Variants in FSTL4 observed in about 807,000 individuals in gnomAD.
FSTL4 encodes the protein follistatin like 4, also known as follistatin-related protein 4.
Under a neutral mutation model 78.2 loss-of-function variants are expected in FSTL4, and 28 were observed. That is an observed-to-expected ratio of 0.36 (90% CI 0.27 to 0.49). The LOEUF is 0.49. Ranked by LOEUF, FSTL4 falls within the 20% of genes least tolerant of loss-of-function variation. The pLI, the probability that FSTL4 is intolerant of heterozygous loss-of-function variation, is 0.98. For missense variants in FSTL4, 922 were observed against 1,084.9 expected, an observed-to-expected ratio of 0.85 and a Z score of 2.11; for synonymous variants, 422 against 440.5, an observed-to-expected ratio of 0.96 and a Z score of 0.53.
upstream of FSTL4, among the ~76,000 whole-genome samples, chr5:133,614,290 G>T (rs562638092): frequency 1.1e-4 from 16 of 152,224 alleles, no homozygotes; most frequent in South Asian, 3.1e-3. Flanking sequence ...TGTAAATCAG[G>T]GTCTATAGGT....
intron 4 of FSTL4, among the ~76,000 whole-genome samples, chr5:133,334,883 G>C (rs1372410979): frequency 1.3e-5 from 2 of 152,268 alleles, no homozygotes; most frequent in East Asian, 3.9e-4. Context: ...GGAGGAGGCT[G>C]GGTGGGGGTG....
At chr5:133,372,923 A>G (rs1243773524) in intron 4 of FSTL4, among the ~76,000 whole-genome samples, 1 of 152,162 alleles carries the variant, frequency 6.6e-6, no homozygotes, top group South Asian at 2.1e-4. Context: ...AGCAGCTCCC[A>G]CCTGTGAGAA....
intron 4 of FSTL4, among the ~76,000 whole-genome samples, chr5:133,336,750 A>T (rs141623231): frequency 7.9e-5 from 12 of 152,210 alleles, no homozygotes; most frequent in African/African-American, 2.9e-4. Flanking sequence ...CTGTCTTTCT[A>T]TTGAGCCAGC....
chr5:133,395,279 T>A (rs758934820), intron 4 of FSTL4, among the ~76,000 whole-genome samples: 8 of 152,168 alleles, frequency 5.3e-5, no homozygotes, highest in Non-Finnish European at 1.2e-4. Context: ...GCAGCTTCAC[T>A]TCTGAGGCCT....
chr5:133,632,797 C>A, the FSTL4 span, among the ~76,000 whole-genome samples: 2 of 152,110 alleles, frequency 1.3e-5, no homozygotes, highest in African/African-American at 4.8e-5. Context: ...AGCAATCCTC[C>A]CAATGCAGCC....
intron 3 of FSTL4, among the ~76,000 whole-genome samples, chr5:133,469,678 A>G (rs1312496380): frequency 2.0e-5 from 3 of 152,176 alleles, no homozygotes; most frequent in Non-Finnish European, 2.9e-5. Flanking sequence ...ACTCAATTAC[A>G]ATGTCTTTAA....
the FSTL4 span, among the ~76,000 whole-genome samples, chr5:133,697,570 GC>G: frequency 6.6e-6 from 1 of 152,194 alleles, no homozygotes; most frequent in Non-Finnish European, 1.5e-5. Flanking sequence ...GAAAACTGAA[GC>G]CCCACTTGCT....
chr5:133,497,795 A>C (rs1758401051), intron 3 of FSTL4, among the ~76,000 whole-genome samples: 1 of 152,264 alleles, frequency 6.6e-6, no homozygotes, highest in Non-Finnish European at 1.5e-5. Context: ...ACACGGTTAT[A>C]CAACTAAAAA....
chr5:133,523,995 C>T (rs1378427770), intron 3 of FSTL4, among the ~76,000 whole-genome samples: 4 of 152,160 alleles, frequency 2.6e-5, no homozygotes, highest in African/African-American at 4.8e-5. Context: ...GTGACAGGAA[C>T]GTCAGTGGTG....
At chr5:133,738,065 G>C in the FSTL4 span, among the ~76,000 whole-genome samples, 1 of 152,042 alleles carries the variant, frequency 6.6e-6, no homozygotes, top group Non-Finnish European at 1.5e-5. Flanking sequence ...ACCTGTCTCT[G>C]GTTCAATTAA....
chr5:133,530,794 C>A (rs1206986622), intron 3 of FSTL4, among the ~76,000 whole-genome samples: 1 of 152,226 alleles, frequency 6.6e-6, no homozygotes, highest in African/African-American at 2.4e-5. Flanking sequence ...AAACCCCTAA[C>A]TAAGGGCTAT....
the FSTL4 span, among the ~76,000 whole-genome samples, chr5:133,723,523 A>G: frequency 3.3e-5 from 5 of 152,188 alleles, no homozygotes; most frequent in Non-Finnish European, 7.4e-5. Flanking sequence ...GTGGCAGGCT[A>G]TCACTATGGC....
intron 4 of FSTL4, among the ~76,000 whole-genome samples, chr5:133,353,900 G>C (rs1754885034): frequency 6.6e-6 from 1 of 152,228 alleles, no homozygotes; most frequent in Admixed American, 6.5e-5. Flanking sequence ...TGGACATGCG[G>C]GGGCAGTGCT....
intron 4 of FSTL4, among the ~76,000 whole-genome samples, chr5:133,358,208 C>T (rs1291933346): frequency 1.3e-5 from 2 of 152,284 alleles, no homozygotes; most frequent in East Asian, 3.9e-4. Context: ...GGATAAACTC[C>T]CCTGGGTCTA....
chr5:133,678,132 T>C, the FSTL4 span, among the ~76,000 whole-genome samples: 1 of 152,210 alleles, frequency 6.6e-6, no homozygotes, highest in Non-Finnish European at 1.5e-5. Flanking sequence ...ACAGTCACCA[T>C]GTTGTGTGTG....
intron 3 of FSTL4, among the ~76,000 whole-genome samples, chr5:133,526,135 T>C (rs1464503022): frequency 6.6e-6 from 1 of 152,178 alleles, no homozygotes; most frequent in African/African-American, 2.4e-5. Flanking sequence ...AATGAGACAT[T>C]GATACTTATC....
chr5:133,547,158 C>A (rs1019304986), intron 3 of FSTL4, among the ~76,000 whole-genome samples: 1 of 152,180 alleles, frequency 6.6e-6, no homozygotes, highest in Non-Finnish European at 1.5e-5. Flanking sequence ...TATTCTGCAG[C>A]CTCAAAACTT....
Position 133,206,491 on chromosome 5 carries a change from C to T in FSTL4, c.1716+3700G>A, listed in dbSNP as rs554741466. Reference sequence around the variant, plus strand: ...ATTCTCCTGCCTCAGCCTCCTGAGTCGCTGGGATTACAGATGTGCACCACC... The same window carrying T: ...ATTCTCCTGCCTCAGCCTCCTGAGTTGCTGGGATTACAGATGTGCACCACC... On this transcript the variant is annotated intron_variant, in intron 14 of 15. Transcript: ENST00000265342. Among the ~76,000 whole-genome samples, 267 of 152,078 alleles carry T rather than the reference C, an allele frequency of 1.8e-3. 2 individuals carry two copies. Among genetic ancestry groups the T allele is most frequent in the Admixed American group, 7.3e-3 (112 of 15,270 alleles).
At chr5:133,460,290 C>A (rs890157205) in intron 3 of FSTL4, among the ~76,000 whole-genome samples, 3 of 152,024 alleles carry the variant, frequency 2.0e-5, no homozygotes, top group Non-Finnish European at 4.4e-5. Flanking sequence ...ACCGGTAACA[C>A]CTTCCCCAGT....
Sources: gnomAD v4.1 joint callset for allele counts (sites outside exome capture counted in the v4.1 genomes callset) on GRCh38, gnomAD v4.1.1 for gene constraint, MANE v1.5 for transcripts, NCBI Gene and HGNC (gene_info 2026-07-23, HGNC 2026-07-21) for gene names.